CAPSL: variants seen among roughly 807,000 people sequenced by gnomAD.
The protein encoded by CAPSL is calcyphosine like.
A neutral mutation model predicts 21.3 loss-of-function variants in CAPSL; 17 were observed. The observed-to-expected ratio is 0.80, with a 90% CI of 0.55 to 1.20. The LOEUF (loss-of-function observed/expected upper bound fraction) is 1.20, where lower values mean the gene tolerates loss of function less well. Ranked by LOEUF, CAPSL falls within the 50% of genes most tolerant of loss-of-function variation. The pLI is 0.00. For synonymous variants in CAPSL, 102 were observed against 89.3 expected (o/e 1.14, Z -0.80); for missense variants, 289 against 259.3 (o/e 1.11, Z -0.79).
intron 1 of CAPSL, among the ~76,000 whole-genome samples, chr5:35,923,770 T>A (rs1738598746): frequency 6.6e-6 from 1 of 152,216 alleles, no homozygotes; most frequent in African/African-American, 2.4e-5. Flanking sequence ...GGGGAGTGAC[T>A]GCTTAATGAA....
intron 1 of CAPSL, among the ~76,000 whole-genome samples, chr5:35,922,360 G>A (rs852251): frequency 0.18 from 27,712 of 151,984 alleles, 3,366 homozygotes; most frequent in East Asian, 0.51. Flanking sequence ...TACACTTAAC[G>A]TGGCCACTTT....
rs950176811 is a variant in CAPSL at position 35,920,883 on chromosome 5, G to A, written c.137+101C>T. The A allele has an allele frequency of 5.8e-6, 7 of 1,215,676 alleles. No homozygotes were observed. The African/African-American group carries it at 1.1e-4, about 18-fold the overall frequency. The allele number at this position is 1,215,676 out of a possible 1,614,324, so 75.3% of individuals were successfully genotyped here. ...TTACAAATAAGGAACTGAGCCCCTA[G>A]GAGGAGATGACTTCCCCAAGACCAC... On this transcript the variant is annotated intron_variant, in intron 2 of 4. Coordinates refer to ENST00000651391, the MANE Select transcript of CAPSL (RefSeq NM_001042625.2).
chr5:35,922,511 A>T (rs1738566342), intron 1 of CAPSL, among the ~76,000 whole-genome samples: 1 of 152,154 alleles, frequency 6.6e-6, no homozygotes, highest in Admixed American at 6.5e-5. Flanking sequence ...TCTACGTCCC[A>T]GCTCTTTACT....
chr5:35,919,170 A>AAAAAAAAAATAT (rs754098152), intron 2 of CAPSL, among the ~76,000 whole-genome samples: 1 of 121,276 alleles, frequency 8.2e-6, no homozygotes, highest in Admixed American at 8.3e-5. Flanking sequence ...TAAAAAAAAA[A>AAAAAAAAAATAT]ATATATATAT....
In CAPSL at chr5:35,926,750, C is replaced by T. The variant is rs187013309; in HGVS notation, c.1-5630G>A. On this transcript the variant is annotated intron_variant, in intron 1 of 4. Transcript: ENST00000651391. ...GGGGATCTTATTGCTAAAGAGGCAA[C>T]CCTAGAGATCGTTGATCCAGACACT... Among the ~76,000 whole-genome samples, 14 of 152,278 alleles carry T rather than the reference C, an allele frequency of 9.2e-5. No individual in the cohort carries two copies. The East Asian group carries it at 1.2e-3, about 13-fold the overall frequency.
In CAPSL at chr5:35,922,493, G is replaced by A. The variant is rs1007253506; in HGVS notation, c.1-1373C>T. Among the ~76,000 whole-genome samples the A allele has an allele frequency of 1.3e-5, 2 of 152,232 alleles. 1 individual carries two copies. The highest frequency in any genetic ancestry group is 6.8e-3 in the Middle Eastern group (2 of 294). On this transcript the variant is annotated intron_variant, in intron 1 of 4. Transcript: ENST00000651391. ...TTCTCTTGAACCTCGGGTCAAGAAG[G>A]AGACCTGTCTACGTCCCAGCTCTTT...
At chr5:35,919,160 T>TAAAAAAAA (rs34779853) in intron 2 of CAPSL, among the ~76,000 whole-genome samples, 2 of 129,204 alleles carry the variant, frequency 1.5e-5, no homozygotes, top group Non-Finnish European at 3.2e-5. Context: ...CTTTCCTGAT[T>TAAAAAAAA]AAAAAAAAAA....
intron 1 of CAPSL, among the ~76,000 whole-genome samples, chr5:35,931,848 T>G (rs1738834320): frequency 6.6e-6 from 1 of 152,216 alleles, no homozygotes; most frequent in African/African-American, 2.4e-5. Context: ...ATATTCCATT[T>G]TTGCCATGAA....
chr5:35,914,136 A>G (rs1738306213), intron 2 of CAPSL, among the ~76,000 whole-genome samples: 1 of 152,234 alleles, frequency 6.6e-6, no homozygotes, highest in Admixed American at 6.5e-5. Context: ...TGGTAAAGGG[A>G]TCAATTCAAC....
At chr5:35,909,179 T>A (rs1738131851) in intron 4 of CAPSL, among the ~76,000 whole-genome samples, 1 of 151,976 alleles carries the variant, frequency 6.6e-6, no homozygotes, top group South Asian at 2.1e-4. Flanking sequence ...TGGAGCTATA[T>A]AATTCCTTAC....
intron 2 of CAPSL, among the ~76,000 whole-genome samples, chr5:35,915,334 G>A (rs1738348862): frequency 6.6e-6 from 1 of 152,160 alleles, no homozygotes; most frequent in Admixed American, 6.5e-5. Context: ...AATAGAAAAA[G>A]AGGCAATCCT....
intron 1 of CAPSL, among the ~76,000 whole-genome samples, chr5:35,924,684 T>C (rs1738627394): frequency 6.6e-6 from 1 of 152,232 alleles, no homozygotes; most frequent in South Asian, 2.1e-4. Flanking sequence ...TGTACTCTTT[T>C]CGAGGCACTA....
At chr5:35,932,844 C>T (rs1409994790) in intron 1 of CAPSL, among the ~76,000 whole-genome samples, 21 of 152,152 alleles carry the variant, frequency 1.4e-4, no homozygotes, top group Non-Finnish European at 5.9e-5. Flanking sequence ...CCTCTGTTCA[C>T]CCAAACCAAA....
intron 4 of CAPSL, among the ~76,000 whole-genome samples, chr5:35,907,010 A>G (rs1378670162): frequency 6.6e-6 from 1 of 152,192 alleles, no homozygotes; most frequent in East Asian, 1.9e-4. Flanking sequence ...AAATTCTCTG[A>G]TCTCCTGTAA....
intron 2 of CAPSL, among the ~76,000 whole-genome samples, chr5:35,920,550 C>T (rs755844863): frequency 6.6e-6 from 1 of 152,210 alleles, no homozygotes; most frequent in Non-Finnish European, 1.5e-5. Flanking sequence ...CAAGCAATAC[C>T]AGTGTCCCTG....
chr5:35,905,921 T>C (rs925502020), intron 4 of CAPSL, among the ~76,000 whole-genome samples: 3 of 152,202 alleles, frequency 2.0e-5, no homozygotes, highest in African/African-American at 7.2e-5. Flanking sequence ...ATTTACTTCT[T>C]AAAAATCTAA....
intron 1 of CAPSL, among the ~76,000 whole-genome samples, chr5:35,930,802 C>G (rs1738801042): frequency 6.6e-6 from 1 of 152,150 alleles, no homozygotes. Flanking sequence ...TTCTATTTCC[C>G]TTTTTCTCTG....
chr5:35,936,405 TATC>T (rs1738947854), intron 1 of CAPSL, among the ~76,000 whole-genome samples: 2 of 152,188 alleles, frequency 1.3e-5, no homozygotes, highest in Non-Finnish European at 2.9e-5. Context: ...TCCCTCTAGC[TATC>T]ACCCCTCAAA....
At chr5:35,919,170 A>AAAAAAAAATATATATATATAT (rs754098152) in intron 2 of CAPSL, among the ~76,000 whole-genome samples, 2 of 121,276 alleles carry the variant, frequency 1.6e-5, no homozygotes, top group East Asian at 4.4e-4. Context: ...TAAAAAAAAA[A>AAAAAAAAATATATATATATAT]ATATATATAT....
Sources: gnomAD v4.1 joint callset for allele counts (sites outside exome capture counted in the v4.1 genomes callset) on GRCh38, gnomAD v4.1.1 for gene constraint, MANE v1.5 for transcripts, NCBI Gene and HGNC (gene_info 2026-07-23, HGNC 2026-07-21) for gene names.